Variants in SCAPER observed in about 807,000 individuals in gnomAD.
SCAPER encodes the protein S phase cyclin A-associated protein in the endoplasmic reticulum.
Under a neutral mutation model 182.2 loss-of-function variants are expected in SCAPER, and 98 were observed. The observed-to-expected ratio is 0.54, with a 90% CI of 0.46 to 0.64. SCAPER has a LOEUF of 0.64. Ranked by LOEUF, SCAPER falls within the 30% of genes least tolerant of loss-of-function variation. SCAPER has a pLI of 0.00. For missense variants in SCAPER, 1,432 were observed against 1,690.0 expected (o/e 0.85, Z 2.68); for synonymous variants, 605 against 564.6 (o/e 1.07, Z -1.01).
chr15:76,565,449 G>C (rs1426412233), intron 23 of SCAPER, among the ~76,000 whole-genome samples: 1 of 152,068 alleles, frequency 6.6e-6, no homozygotes, highest in Non-Finnish European at 1.5e-5. Context: ...CTGATCATTA[G>C]AGAAATGCAA....
intron 22 of SCAPER, among the ~76,000 whole-genome samples, chr15:76,615,478 TACACACACACACAGACACAC>T (rs1567606981): frequency 8.4e-6 from 1 of 119,336 alleles, no homozygotes; most frequent in African/African-American, 3.2e-5. Context: ...TATATATACA[TACACACACACACAGACACAC>T]ACACACACAC....
At chr15:76,498,099 G>A (rs2040770639) in intron 24 of SCAPER, among the ~76,000 whole-genome samples, 1 of 149,066 alleles carries the variant, frequency 6.7e-6, no homozygotes, top group Non-Finnish European at 1.5e-5. Context: ...CTTTAATGAA[G>A]AGTCTTCTGT....
At chr15:76,498,894 C>T (rs1198925222) in intron 24 of SCAPER, among the ~76,000 whole-genome samples, 2 of 152,014 alleles carry the variant, frequency 1.3e-5, no homozygotes, top group Non-Finnish European at 2.9e-5. Flanking sequence ...ATTGCTTGGT[C>T]TGGGTAGCAT....
intron 5 of SCAPER, among the ~76,000 whole-genome samples, chr15:76,835,631 G>C (rs1440843824): frequency 2.0e-5 from 3 of 152,056 alleles, no homozygotes; most frequent in African/African-American, 7.2e-5. Context: ...TTGAAAACCA[G>C]AACAAGACAA....
chr15:76,832,832 T>C (rs1017808541), intron 5 of SCAPER, among the ~76,000 whole-genome samples: 3 of 152,196 alleles, frequency 2.0e-5, no homozygotes, highest in African/African-American at 7.2e-5. Context: ...AAAAGCTCCC[T>C]GAGGCCTCCC....
At chr15:76,847,362 A>G (rs900316400) in intron 4 of SCAPER, among the ~76,000 whole-genome samples, 2 of 143,850 alleles carry the variant, frequency 1.4e-5, no homozygotes, top group Admixed American at 7.1e-5. Context: ...GTAACAAATA[A>G]AAGGATAAAA....
chr15:76,721,718 C>T (rs1032515424), intron 17 of SCAPER, among the ~76,000 whole-genome samples: 7 of 151,948 alleles, frequency 4.6e-5, no homozygotes, highest in Non-Finnish European at 8.8e-5. Context: ...CATGATTTGG[C>T]TCTCTGTTTG....
At chr15:76,637,742 ATGTGTGTGTGTGTG>A (rs55726181) in intron 21 of SCAPER, among the ~76,000 whole-genome samples, 4,695 of 105,798 alleles carry the variant, frequency 0.044, 307 homozygotes, top group Middle Eastern at 0.07. Flanking sequence ...ATATATATAT[ATGTGTGTGTGTGTG>A]TGTGTGTGTG....
At chr15:76,859,641 G>T (rs1365196664) in intron 3 of SCAPER, among the ~76,000 whole-genome samples, 1 of 152,206 alleles carries the variant, frequency 6.6e-6, no homozygotes, top group East Asian at 1.9e-4. Context: ...AACAAAAATT[G>T]TAAATGTTAA....
Position 76,766,354 on chromosome 15 carries a change from CAA to C in SCAPER, c.1419+562_1419+563del, listed in dbSNP as rs1234048684. Among the ~76,000 whole-genome samples the C allele has an allele frequency of 5.3e-5, 8 of 152,250 alleles. 1 individual carries two copies. The highest frequency in any genetic ancestry group is 1.9e-4 in the African/African-American group (8 of 41,538). ...TTGTGATCCACCTGATTCGGCCTCC[CAA>C]AGTGCTAGGATTACAGGCATGAGCC... On this transcript the variant is annotated intron_variant, in intron 11 of 31. Coordinates refer to ENST00000563290, the MANE Select transcript of SCAPER (RefSeq NM_020843.4).
At chr15:76,882,550 C>A (rs1377195422) in intron 2 of SCAPER, among the ~76,000 whole-genome samples, 2 of 152,094 alleles carry the variant, frequency 1.3e-5, no homozygotes, top group Non-Finnish European at 2.9e-5. Flanking sequence ...AGCAGACCAA[C>A]AGAAAATAAC....
intron 6 of SCAPER, among the ~76,000 whole-genome samples, chr15:76,800,905 T>C (rs972330364): frequency 1.3e-5 from 2 of 152,196 alleles, no homozygotes; most frequent in Non-Finnish European, 2.9e-5. Context: ...ACTTAACGTC[T>C]ACTCCTCCTC....
chr15:76,566,099 T>A (rs1206870857), intron 23 of SCAPER, among the ~76,000 whole-genome samples: 1 of 152,072 alleles, frequency 6.6e-6, no homozygotes, highest in Non-Finnish European at 1.5e-5. Context: ...TTTCTGAATA[T>A]AATTAGGTTG....
intron 27 of SCAPER, among the ~76,000 whole-genome samples, chr15:76,391,749 G>A (rs776407943): frequency 7.9e-5 from 12 of 152,106 alleles, no homozygotes; most frequent in South Asian, 2.1e-4. Flanking sequence ...TGTGCCTGAC[G>A]GGAAGCTGCT....
intron 23 of SCAPER, among the ~76,000 whole-genome samples, chr15:76,546,480 A>G (rs1387340401): frequency 6.6e-6 from 1 of 152,104 alleles, no homozygotes; most frequent in Admixed American, 6.5e-5. Flanking sequence ...ATTAGCCATC[A>G]TGTCTGACCA....
rs543492610 is a variant in SCAPER, at chr15:76,778,612, TTTAA to T, written c.773-3499_773-3496del. On this transcript the variant is annotated intron_variant, in intron 8 of 31. Coordinates refer to ENST00000563290, the MANE Select transcript of SCAPER (RefSeq NM_020843.4). ...ACACAGGCTGGGACTCCATAAACTC[TTTAA>T]TTATTTAAACACATAAGTGTGAGTG... Among the ~76,000 whole-genome samples, 7 of 151,940 alleles carry T rather than the reference TTTAA, an allele frequency of 4.6e-5. No individual in the cohort carries two copies. The South Asian group carries it at 1.0e-3, about 23-fold the overall frequency.
intron 28 of SCAPER, among the ~76,000 whole-genome samples, chr15:76,376,624 T>A (rs574146053): frequency 6.6e-6 from 1 of 152,334 alleles, no homozygotes; most frequent in Non-Finnish European, 1.5e-5. Context: ...ATACAAATAT[T>A]CTTACTGGAG....
intron 26 of SCAPER, among the ~76,000 whole-genome samples, chr15:76,407,115 G>A (rs748647194): frequency 5.9e-5 from 9 of 152,150 alleles, no homozygotes; most frequent in Admixed American, 2.0e-4. Flanking sequence ...ATATGGGGAC[G>A]CATTCTGAGA....
At chr15:76,678,266 G>A (rs999327169) in intron 20 of SCAPER, among the ~76,000 whole-genome samples, 8 of 151,876 alleles carry the variant, frequency 5.3e-5, no homozygotes, top group African/African-American at 1.9e-4. Context: ...AGACCAGGGT[G>A]GAAACCAAGT....
Sources: allele counts gnomAD v4.1 joint callset (sites outside exome capture counted in the v4.1 genomes callset), GRCh38; gene constraint gnomAD v4.1.1; transcripts MANE v1.5; gene names NCBI Gene and HGNC (gene_info 2026-07-23, HGNC 2026-07-21).